MTREX: variants seen among roughly 807,000 people sequenced by gnomAD.
MTREX encodes the protein exosome RNA helicase MTR4.
Under a neutral mutation model 135.4 loss-of-function variants are expected in MTREX, and 76 were observed. That is an observed-to-expected ratio of 0.56 (90% CI 0.47 to 0.68). MTREX has a LOEUF of 0.68. Ranked by LOEUF, MTREX falls within the 30% of genes least tolerant of loss-of-function variation. The pLI, the probability that MTREX is intolerant of heterozygous loss-of-function variation, is 0.00. For synonymous variants in MTREX, 404 were observed against 401.6 expected, an observed-to-expected ratio of 1.01 and a Z score of -0.07; for missense variants, 920 against 1,262.1, an observed-to-expected ratio of 0.73 and a Z score of 4.11.
At chr5:55,363,518 T>C (rs1004339665) in intron 15 of MTREX, among the ~76,000 whole-genome samples, 1 of 151,866 alleles carries the variant, frequency 6.6e-6, no homozygotes, top group Non-Finnish European at 1.5e-5. Context: ...TGGTTACCTG[T>C]CTTGTTTCAG....
At chr5:55,416,315 CTG>C (rs1373842711) in intron 25 of MTREX, among the ~76,000 whole-genome samples, 183 bp downstream of exon 25, 1 of 151,948 alleles carries the variant, frequency 6.6e-6, no homozygotes, top group East Asian at 1.9e-4. Context: ...TAAGCATAGT[CTG>C]TTCATTAGAA....
At chr5:55,348,972 C>T (rs529756045) in intron 11 of MTREX, among the ~76,000 whole-genome samples, 1 of 152,148 alleles carries the variant, frequency 6.6e-6, no homozygotes, top group Admixed American at 6.5e-5. Flanking sequence ...ATAATAGTTC[C>T]TGTGTCCTGT....
At chr5:55,392,899 T>C (rs538028677) in intron 19 of MTREX, among the ~76,000 whole-genome samples, 27 of 152,330 alleles carry the variant, frequency 1.8e-4, no homozygotes, top group African/African-American at 5.3e-4. Flanking sequence ...AGTTGCTTCT[T>C]ACTATTTTTG....
chr5:55,370,861 A>C (rs542823757), intron 16 of MTREX, among the ~76,000 whole-genome samples: 21 of 152,284 alleles, frequency 1.4e-4, no homozygotes, highest in African/African-American at 5.1e-4. Context: ...TACCACCTTA[A>C]ATATAACAAA....
chr5:55,324,058 T>C (rs1749329883), intron 2 of MTREX, 74 bp from the exon 3 acceptor site: 6 of 1,039,566 alleles, frequency 5.8e-6, no homozygotes, highest in Non-Finnish European at 7.4e-6. Flanking sequence ...TCCTTAACAG[T>C]GCAATGTGAG....
chr5:55,405,227 T>C, intron 21 of MTREX, 198 bp from the exon 22 acceptor site: 1 of 465,824 alleles, frequency 2.1e-6, no homozygotes, highest in East Asian at 3.1e-5. Flanking sequence ...TACAGATACA[T>C]CATTACTCTT....
At chr5:55,423,994 G>A (rs376626883) in intron 26 of MTREX, 6 of 152,006 alleles carry the variant, frequency 3.9e-5, no homozygotes, top group African/African-American at 1.4e-4. Flanking sequence ...ATTTGTATTT[G>A]TCCTTCCTTG....
chr5:55,354,179 C>T (rs954247631), intron 14 of MTREX, among the ~76,000 whole-genome samples: 6 of 152,174 alleles, frequency 3.9e-5, no homozygotes, highest in Non-Finnish European at 8.8e-5. Context: ...AATCCAGACT[C>T]GTTTCTCTTG....
At position 55,425,406 on chromosome 5, in the gene MTREX, C is replaced by CA. The variant is rs1751155021; in HGVS notation, c.*635dup. 7.4e-7 allele frequency: 1 copy of CA among 1,348,834 alleles called. No homozygotes were observed. The highest frequency in any genetic ancestry group is 1.5e-5 in the African/African-American group (1 of 68,008). 83.6% of individuals were successfully genotyped at this position (1,348,834 alleles called of 1,614,324 possible). On this transcript the variant is annotated 3_prime_UTR_variant, in exon 27 of 27. Coordinates refer to ENST00000230640, the MANE Select transcript of MTREX (RefSeq NM_015360.5). ...CTACATACAAAGTTGTGATCAACAG[C>CA]ATCCTAAGATAAATATAAACAAAAG...
intron 13 of MTREX, among the ~76,000 whole-genome samples, chr5:55,352,778 T>G (rs1749849099): frequency 6.6e-6 from 1 of 152,204 alleles, no homozygotes; most frequent in Non-Finnish European, 1.5e-5. Flanking sequence ...CTAGTCTTCC[T>G]TGAGAGATCT....
At chr5:55,321,758 G>A (rs900436606) in intron 1 of MTREX, among the ~76,000 whole-genome samples, 11 of 151,900 alleles carry the variant, frequency 7.2e-5, no homozygotes, top group Non-Finnish European at 1.3e-4. Context: ...ACAGGCATGC[G>A]CCATCATACC....
chr5:55,362,716 A>G (rs1193734822), intron 15 of MTREX, among the ~76,000 whole-genome samples: 2 of 152,228 alleles, frequency 1.3e-5, no homozygotes, highest in African/African-American at 2.4e-5. Context: ...TATAAAAAAA[A>G]ATCAGTTTTC....
intron 1 of MTREX, among the ~76,000 whole-genome samples, chr5:55,309,604 G>A (rs575501947): frequency 1.3e-5 from 2 of 152,182 alleles, no homozygotes; most frequent in African/African-American, 2.4e-5. Flanking sequence ...AAACAGGGAC[G>A]TTCAGAGGTT....
At chr5:55,358,769 G>C in intron 15 of MTREX, 71 bp downstream of exon 15, 1 of 1,338,052 alleles carries the variant, frequency 7.5e-7, no homozygotes, top group Admixed American at 2.6e-5. Context: ...TTTCAGAATT[G>C]GTTGTGTCAG....
intron 19 of MTREX, among the ~76,000 whole-genome samples, chr5:55,396,277 C>A (rs1339388200): frequency 6.6e-6 from 1 of 152,052 alleles, no homozygotes; most frequent in Non-Finnish European, 1.5e-5. Flanking sequence ...GACCCTGAAT[C>A]CAAAAGTATG....
chr5:55,336,006 C>T (rs566141644), intron 5 of MTREX, among the ~76,000 whole-genome samples: 7 of 152,162 alleles, frequency 4.6e-5, no homozygotes, highest in South Asian at 4.1e-4. Flanking sequence ...TCTGTTTATG[C>T]TATTGTGAAT....
intron 2 of MTREX, 129 bp from the exon 3 acceptor site, chr5:55,324,003 A>C (rs868670259): frequency 1.5e-6 from 1 of 654,722 alleles, no homozygotes; most frequent in Admixed American, 2.6e-5. Flanking sequence ...CTTAATAGCC[A>C]AAGTTTTTCC....
intron 21 of MTREX, among the ~76,000 whole-genome samples, chr5:55,402,156 T>C (rs1421825275): frequency 6.6e-6 from 1 of 152,230 alleles, no homozygotes; most frequent in Admixed American, 6.5e-5. Context: ...TTACATCATA[T>C]GGTGCTGTAG....
chr5:55,323,717 G>A (rs1021978543), intron 2 of MTREX, among the ~76,000 whole-genome samples: 3 of 152,176 alleles, frequency 2.0e-5, no homozygotes, highest in Non-Finnish European at 4.4e-5. Flanking sequence ...ACTGTGCCTG[G>A]CCAGGAACAC....
Sources: gnomAD v4.1 joint callset for allele counts (sites outside exome capture counted in the v4.1 genomes callset) on GRCh38, gnomAD v4.1.1 for gene constraint, MANE v1.5 for transcripts, NCBI Gene and HGNC (gene_info 2026-07-23, HGNC 2026-07-21) for gene names.